The following ADK variants were observed in gnomAD, a reference collection of about 807,000 sequenced individuals.
ADK encodes N6,N6-dimethyladenosine kinase.
In ADK, 24 loss-of-function variants were observed where a neutral mutation model predicts 44.7. The observed-to-expected ratio is 0.54, with a 90% CI of 0.39 to 0.76. The LOEUF is 0.76. ADK is among the 30% of genes least tolerant of loss of function. The pLI is 0.00. For missense variants in ADK, 321 were observed against 425.1 expected (o/e 0.76, Z 2.15); for synonymous variants, 128 against 142.6 (o/e 0.90, Z 0.73).
chr10:74,298,205 A>G (rs1839884074), intron 3 of ADK, among the ~76,000 whole-genome samples: 1 of 152,140 alleles, frequency 6.6e-6, no homozygotes, highest in African/African-American at 2.4e-5. Flanking sequence ...AAAATTCAAA[A>G]ATTTGAAATG....
chr10:74,597,878 A>C (rs941061636), intron 8 of ADK, among the ~76,000 whole-genome samples: 6 of 152,174 alleles, frequency 3.9e-5, no homozygotes, highest in African/African-American at 1.4e-4. Flanking sequence ...GCATCACTAA[A>C]CTAATCTATC....
At chr10:74,193,378 C>T (rs1162677090) in intron 1 of ADK, among the ~76,000 whole-genome samples, 1 of 152,132 alleles carries the variant, frequency 6.6e-6, no homozygotes, top group Non-Finnish European at 1.5e-5. Flanking sequence ...TTAGGTATAT[C>T]TCCTAATGCT....
intron 3 of ADK, among the ~76,000 whole-genome samples, chr10:74,302,122 T>G (rs1445224783): frequency 1.2e-3 from 130 of 106,426 alleles, no homozygotes; most frequent in African/African-American, 4.5e-3. Context: ...TTTTTTTTTT[T>G]TTTTTTTTTT....
At position 74,220,016 on chromosome 10, in the gene ADK, A is replaced by C. The variant is rs909301753; in HGVS notation, c.141-4522A>C. ...CTAGCAGAAGGCAAGAAATAACTAAAATCAGAGCAGAACTGAAGGAAATAG... is the reference window on the plus strand; with the variant it reads ...CTAGCAGAAGGCAAGAAATAACTAACATCAGAGCAGAACTGAAGGAAATAG... On this transcript the variant is annotated intron_variant, in intron 2 of 10. Coordinates refer to ENST00000539909, the MANE Select transcript of ADK (RefSeq NM_006721.4). 3.2e-4 allele frequency among the ~76,000 whole-genome samples: 48 copies of C among 150,320 alleles called. No homozygotes were observed. The Middle Eastern group carries it at 0.01, about 32-fold the overall frequency.
intron 3 of ADK, among the ~76,000 whole-genome samples, chr10:74,261,248 C>T (rs1846026062): frequency 6.6e-6 from 1 of 152,168 alleles, no homozygotes; most frequent in Admixed American, 6.5e-5. Context: ...TGCTTGGTTT[C>T]CTATTGGCTA....
intron 6 of ADK, among the ~76,000 whole-genome samples, chr10:74,412,347 G>A (rs1844212452): frequency 6.6e-6 from 1 of 152,014 alleles, no homozygotes; most frequent in Non-Finnish European, 1.5e-5. Context: ...CACCATATTG[G>A]CCAGGCTGGT....
At chr10:74,166,931 T>G (rs1252466770) in intron 1 of ADK, among the ~76,000 whole-genome samples, 2 of 152,172 alleles carry the variant, frequency 1.3e-5, no homozygotes, top group Non-Finnish European at 2.9e-5. Context: ...CCTATTAAGG[T>G]CTCTGTCTGG....
intron 3 of ADK, among the ~76,000 whole-genome samples, chr10:74,300,254 C>CTCTCTCT (rs398114519): frequency 7.6e-6 from 1 of 131,764 alleles, no homozygotes; most frequent in African/African-American, 2.9e-5. Flanking sequence ...CTCTCTCTCT[C>CTCTCTCT]CTTGTTTCCT....
At chr10:74,439,399 G>C (rs1373525383) in intron 6 of ADK, among the ~76,000 whole-genome samples, 1 of 152,140 alleles carries the variant, frequency 6.6e-6, no homozygotes, top group African/African-American at 2.4e-5. Context: ...AAGACATGAA[G>C]CAAGTTCAGC....
chr10:74,660,197 C>T (rs543447344), intron 9 of ADK, among the ~76,000 whole-genome samples: 7 of 152,262 alleles, frequency 4.6e-5, no homozygotes, highest in African/African-American at 1.7e-4. Context: ...AGCACTATCT[C>T]GGCTCACTGC....
chr10:74,168,568 A>G (rs1433696441), intron 1 of ADK, among the ~76,000 whole-genome samples: 8 of 150,934 alleles, frequency 5.3e-5, no homozygotes, highest in Non-Finnish European at 7.4e-5. Flanking sequence ...AAGAAAAAAA[A>G]GATTGTGAAG....
chr10:74,600,954 C>T (rs1311373560), intron 9 of ADK, among the ~76,000 whole-genome samples: 1 of 151,560 alleles, frequency 6.6e-6, no homozygotes, highest in Non-Finnish European at 1.5e-5. Context: ...GGAATTTCAT[C>T]TAGTAAGCAA....
At chr10:74,267,347 A>G (rs962842172) in intron 3 of ADK, among the ~76,000 whole-genome samples, 1 of 152,160 alleles carries the variant, frequency 6.6e-6, no homozygotes, top group African/African-American at 2.4e-5. Context: ...TATGGGTTCA[A>G]CAGGGCCAAC....
At chr10:74,357,337 G>A (rs1474989869) in intron 4 of ADK, among the ~76,000 whole-genome samples, 1 of 151,958 alleles carries the variant, frequency 6.6e-6, no homozygotes, top group Non-Finnish European at 1.5e-5. Flanking sequence ...ACAGAATTTT[G>A]CTGTGTTACC....
chr10:74,589,262 C>CTTTTTTTTTTTT lies in ADK; in HGVS notation c.727-19_727-8dup. ...ACCGAGCACTTTATAATTAACTGTT[C>CTTTTTTTTTTTT]TTTTTTTTTTTTATTTCAGGAAGCT... On this transcript the variant is annotated intron_variant, in intron 7 of 10. Transcript: ENST00000539909. 7.8e-7 allele frequency: 1 copy of CTTTTTTTTTTTT among 1,287,098 alleles called. No homozygotes were observed. Among genetic ancestry groups the CTTTTTTTTTTTT allele is most frequent in the Non-Finnish European group, 1.1e-6 (1 of 921,206 alleles). 79.7% of individuals were successfully genotyped at this position (1,287,098 alleles called of 1,614,324 possible).
intron 3 of ADK, among the ~76,000 whole-genome samples, chr10:74,232,548 ACC>A (rs771970272): frequency 0.15 from 9,981 of 64,726 alleles, 392 homozygotes; most frequent in East Asian, 0.25. Flanking sequence ...ACCCCCCCGC[ACC>A]CCCCCCCCCC....
At position 74,200,822 on chromosome 10, in the gene ADK, A is replaced by G. The variant is rs1843352432; in HGVS notation, c.124A>G (p.Lys42Glu). 1 of 1,607,078 alleles carries G rather than the reference A, an allele frequency of 6.2e-7. No individual in the cohort carries two copies. The highest frequency in any genetic ancestry group is 8.5e-7 in the Non-Finnish European group (1 of 1,174,072). The change falls in exon 2 of 11, where the codon AAA becomes GAA. Residue 42 changes from lysine to glutamate, a missense_variant. Physicochemically the swap from Lys to Glu is moderately conservative, Grantham distance 56. Transcript: ENST00000539909. ...PLLDISAVVD[K>E]DFLDKYSLKP... ...GCTTGACATCTCTGCTGTAGTGGAC[A>G]AAGATTTCCTTGATAAGTAAGTATT...
intron 3 of ADK, among the ~76,000 whole-genome samples, chr10:74,307,034 CT>C (rs1201127206): frequency 6.6e-6 from 1 of 152,084 alleles, no homozygotes; most frequent in African/African-American, 2.4e-5. Flanking sequence ...TTATCATTAT[CT>C]TCTGCTAAGC....
intron 1 of ADK, among the ~76,000 whole-genome samples, chr10:74,199,435 CAT>C (rs1022474506): frequency 9.2e-5 from 14 of 152,254 alleles, no homozygotes; most frequent in South Asian, 6.2e-4. Flanking sequence ...TAAGTGAAAA[CAT>C]GTGATATTTG....
Sources: allele counts gnomAD v4.1 joint callset (sites outside exome capture counted in the v4.1 genomes callset), GRCh38; gene constraint gnomAD v4.1.1; transcripts MANE v1.5; gene names NCBI Gene and HGNC (gene_info 2026-07-23, HGNC 2026-07-21).